The following RASAL2 variants were observed in gnomAD, a reference collection of about 807,000 sequenced individuals.
RASAL2 encodes ras GTPase-activating protein nGAP.
RASAL2 carries 58 observed loss-of-function variants against 128.9 expected under a neutral mutation model. The ratio of observed to expected loss-of-function variants is 0.45; its 90% CI spans 0.36 to 0.56. The LOEUF is 0.56. Among genes scored for constraint, RASAL2 ranks in the 20% least tolerant of loss-of-function variants. RASAL2 has a pLI of 0.00. For synonymous variants in RASAL2, 561 were observed against 580.8 expected (o/e 0.97, Z 0.49); for missense variants, 1,360 against 1,601.6 (o/e 0.85, Z 2.57).
intron 14 of RASAL2, among the ~76,000 whole-genome samples, chr1:178,460,843 T>C (rs1267231362): frequency 6.6e-6 from 1 of 152,182 alleles, no homozygotes; most frequent in Non-Finnish European, 1.5e-5. Flanking sequence ...AAACAGAGTC[T>C]TGCTCTGTCG....
chr1:178,269,089 A>T lies in RASAL2; in HGVS notation c.203-14475A>T, dbSNP rs138031009. ...CTGTGAGGAAAGTGATAAAGATTAA[A>T]TGAGGTAATAAGGGTGGGACCTTAA... is the stretch of plus-strand genomic sequence containing the variant. On this transcript the variant is annotated intron_variant, in intron 1 of 17. Transcript: ENST00000367649. 2.2e-3 allele frequency among the ~76,000 whole-genome samples: 331 copies of T among 152,320 alleles called. 2 individuals are homozygous for T. The highest frequency in any genetic ancestry group is 7.7e-3 in the African/African-American group (320 of 41,570).
At chr1:178,332,756 T>C (rs11580206) in intron 3 of RASAL2, among the ~76,000 whole-genome samples, 34,089 of 145,626 alleles carry the variant, frequency 0.23, 6,739 homozygotes, top group African/African-American at 0.54. Context: ...GGACTACAGG[T>C]GCCCGCCACC....
intron 3 of RASAL2, among the ~76,000 whole-genome samples, chr1:178,352,593 G>A (rs1018971702): frequency 3.3e-5 from 5 of 152,312 alleles, no homozygotes; most frequent in Non-Finnish European, 7.4e-5. Flanking sequence ...TCTGTAGGAT[G>A]GTGGCCCTCT....
At chr1:178,116,296 A>G (rs1163918783) in intron 1 of RASAL2, among the ~76,000 whole-genome samples, 1 of 152,180 alleles carries the variant, frequency 6.6e-6, no homozygotes, top group Non-Finnish European at 1.5e-5. Context: ...TGCTCATTGA[A>G]AGGGAGCGTT....
intron 2 of RASAL2, among the ~76,000 whole-genome samples, chr1:178,286,755 A>G (rs1006870652): frequency 2.0e-5 from 3 of 151,972 alleles, no homozygotes; most frequent in Admixed American, 2.0e-4. Context: ...TGTTGATTCT[A>G]TCCCCTGGGC....
intron 1 of RASAL2, among the ~76,000 whole-genome samples, chr1:178,207,569 T>G (rs1440935326): frequency 3.9e-5 from 6 of 152,170 alleles, no homozygotes; most frequent in Admixed American, 6.6e-5. Flanking sequence ...TCCCCATGGA[T>G]ACTGAGGGAC....
intron 3 of RASAL2, among the ~76,000 whole-genome samples, chr1:178,376,609 T>C (rs892939725): frequency 9.2e-5 from 14 of 152,114 alleles, no homozygotes; most frequent in African/African-American, 3.4e-4. Context: ...GTAGGGAAGA[T>C]GGGGAGATAA....
At chr1:178,271,233 C>G (rs1326928643) in intron 1 of RASAL2, among the ~76,000 whole-genome samples, 1 of 152,140 alleles carries the variant, frequency 6.6e-6, no homozygotes, top group Non-Finnish European at 1.5e-5. Flanking sequence ...TAGCTTTTCT[C>G]ATTCTTAACC....
chr1:178,357,350 CT>C (rs1385120161), intron 3 of RASAL2, among the ~76,000 whole-genome samples: 152 of 134,536 alleles, frequency 1.1e-3, no homozygotes, highest in South Asian at 5.6e-3. Flanking sequence ...TGTTTCAGTG[CT>C]TTTTTTTTTT....
chr1:178,411,172 ACACAC>A (rs1469430206), intron 4 of RASAL2, among the ~76,000 whole-genome samples: 13 of 123,998 alleles, frequency 1.0e-4, no homozygotes, highest in African/African-American at 4.3e-4. Context: ...GTGTACACAC[ACACAC>A]ACACACACAC....
chr1:178,351,684 G>A (rs187448648), intron 3 of RASAL2, among the ~76,000 whole-genome samples: 6 of 149,766 alleles, frequency 4.0e-5, no homozygotes, highest in Admixed American at 1.3e-4. Context: ...AGCCAAGATT[G>A]TGCCACTGCA....
intron 3 of RASAL2, among the ~76,000 whole-genome samples, chr1:178,309,525 A>C (rs1305453111): frequency 6.6e-6 from 1 of 152,166 alleles, no homozygotes; most frequent in Admixed American, 6.6e-5. Context: ...ACCATGAGTG[A>C]CTATATATTT....
At chr1:178,247,808 A>G (rs1208430914) in intron 1 of RASAL2, among the ~76,000 whole-genome samples, 1 of 151,936 alleles carries the variant, frequency 6.6e-6, no homozygotes, top group African/African-American at 2.4e-5. Flanking sequence ...CGTTATCTCT[A>G]CCTTAATTTC....
rs917100734 is a variant in RASAL2, at chr1:178,473,732, A to C, written c.*493A>C. 6.4e-6 allele frequency: 1 copy of C among 156,900 alleles called. No individual in the cohort carries two copies. The highest frequency in any genetic ancestry group is 1.4e-5 in the Non-Finnish European group (1 of 71,140). The allele number at this position is 156,900 out of a possible 1,614,324, so 9.7% of individuals were successfully genotyped here. ...TTTTCAGGGATTCATCTACTAGTTT[A>C]AAAACCCCACTCTGGCCCTCTTGTC... On this transcript the variant is annotated 3_prime_UTR_variant, in exon 18 of 18. Coordinates refer to ENST00000367649, the MANE Select transcript of RASAL2 (RefSeq NM_170692.4).
At chr1:178,106,195 T>C (rs1659080529) in intron 1 of RASAL2, among the ~76,000 whole-genome samples, 1 of 152,208 alleles carries the variant, frequency 6.6e-6, no homozygotes, top group African/African-American at 2.4e-5. Flanking sequence ...TTTTATGTAA[T>C]AATTTTCCAA....
intron 5 of RASAL2, among the ~76,000 whole-genome samples, chr1:178,437,374 CAT>C (rs1676319288): frequency 6.6e-6 from 1 of 152,052 alleles, no homozygotes; most frequent in Non-Finnish European, 1.5e-5. Context: ...TGTTTTCTGA[CAT>C]ATAGTTCAGA....
intron 2 of RASAL2, among the ~76,000 whole-genome samples, chr1:178,299,580 C>T (rs563729146): frequency 6.6e-6 from 1 of 150,956 alleles, no homozygotes; most frequent in Non-Finnish European, 1.5e-5. Context: ...TCACTGCAAC[C>T]TCTGCCTCCC....
At chr1:178,463,653 C>T (rs1189862220) in intron 14 of RASAL2, among the ~76,000 whole-genome samples, 2 of 152,260 alleles carry the variant, frequency 1.3e-5, no homozygotes, top group East Asian at 1.9e-4. Context: ...TAACCAGCAT[C>T]ACTTGTCCTT....
chr1:178,128,437 A>C (rs1252082852), intron 1 of RASAL2, among the ~76,000 whole-genome samples: 1 of 152,136 alleles, frequency 6.6e-6, no homozygotes, highest in African/African-American at 2.4e-5. Flanking sequence ...GTTACTCAGA[A>C]TCTCACATTG....
Sources: allele counts gnomAD v4.1 joint callset (sites outside exome capture counted in the v4.1 genomes callset), GRCh38; gene constraint gnomAD v4.1.1; transcripts MANE v1.5; gene names NCBI Gene and HGNC (gene_info 2026-07-23, HGNC 2026-07-21).